Variants in DCC observed in about 807,000 individuals in gnomAD.
DCC encodes the protein netrin receptor DCC.
A neutral mutation model predicts 172.5 loss-of-function variants in DCC; 58 were observed. The observed-to-expected ratio is 0.34, with a 90% confidence interval of 0.27 to 0.42. DCC has a LOEUF of 0.42. Ranked by LOEUF, DCC falls within the 10% of genes least tolerant of loss-of-function variation. The probability of loss-of-function intolerance (pLI) is 1.00; values close to 1 mark genes in which losing one functional copy is unlikely to be tolerated. For synonymous variants in DCC, 709 were observed against 644.5 expected, an observed-to-expected ratio of 1.10 and a Z score of -1.52; for missense variants, 1,740 against 1,791.0, an observed-to-expected ratio of 0.97 and a Z score of 0.51.
At chr18:53,216,679 G>A (rs924187536) in intron 12 of DCC, among the ~76,000 whole-genome samples, 8 of 152,136 alleles carry the variant, frequency 5.3e-5, no homozygotes, top group African/African-American at 1.7e-4. Context: ...GATGTTAATT[G>A]GATTTGTCTC....
chr18:53,222,661 C>T (rs1598920558), intron 12 of DCC, among the ~76,000 whole-genome samples: 1 of 146,606 alleles, frequency 6.8e-6, no homozygotes. Context: ...GCTAAGATTA[C>T]AGGCGTGAAC....
intron 2 of DCC, among the ~76,000 whole-genome samples, chr18:52,867,943 C>T (rs1359874288): frequency 1.3e-5 from 2 of 151,606 alleles, no homozygotes; most frequent in African/African-American, 2.4e-5. Context: ...CTAACCATTA[C>T]ATTATTATGT....
intron 7 of DCC, among the ~76,000 whole-genome samples, chr18:53,128,408 T>C (rs1368094495): frequency 2.0e-5 from 3 of 152,108 alleles, no homozygotes; most frequent in East Asian, 3.9e-4. Context: ...TAATATTTGA[T>C]GGTAATGCTG....
At chr18:52,894,339 C>T (rs889574650) in intron 2 of DCC, among the ~76,000 whole-genome samples, 1 of 151,908 alleles carries the variant, frequency 6.6e-6, no homozygotes, top group Non-Finnish European at 1.5e-5. Flanking sequence ...ATCCCTGGCA[C>T]ATATTAGATG....
intron 5 of DCC, among the ~76,000 whole-genome samples, chr18:52,968,193 C>G (rs761263881): frequency 6.6e-6 from 1 of 152,046 alleles, no homozygotes; most frequent in African/African-American, 2.4e-5. Context: ...TAATGGATCA[C>G]GAGATGGAGT....
At chr18:53,359,413 CTT>C (rs2057919863) in intron 15 of DCC, among the ~76,000 whole-genome samples, 1 of 152,056 alleles carries the variant, frequency 6.6e-6, no homozygotes, top group Admixed American at 6.6e-5. Flanking sequence ...TTAGCCTTCT[CTT>C]CTCATTTTTC....
At chr18:52,876,317 T>G (rs116026583) in intron 2 of DCC, among the ~76,000 whole-genome samples, 2,005 of 152,298 alleles carry the variant, frequency 0.013, 33 homozygotes, top group African/African-American at 0.046. Flanking sequence ...TGATCTACAT[T>G]CCTTTTCTCA....
chr18:53,454,735 G>A (rs563893191), intron 23 of DCC, among the ~76,000 whole-genome samples: 3 of 152,120 alleles, frequency 2.0e-5, no homozygotes, highest in East Asian at 1.9e-4. Context: ...TAGTACTGAC[G>A]ATGAAATGTC....
At position 53,275,764 on chromosome 18, in the gene DCC, G is replaced by A. The variant is rs117905330; in HGVS notation, c.1912-29814G>A. Among the ~76,000 whole-genome samples, 735 of 152,172 alleles carry A rather than the reference G, an allele frequency of 4.8e-3. 3 individuals are homozygous for A. The highest frequency in any genetic ancestry group is 9.0e-3 in the Non-Finnish European group (615 of 67,978). Reference sequence around the variant, plus strand: ...TGGTTTTTTGAGAGCTAATGTGGTAGTCTATACAAAAGGGTCATCGCTGAT... The same window carrying A: ...TGGTTTTTTGAGAGCTAATGTGGTAATCTATACAAAAGGGTCATCGCTGAT... On this transcript the variant is annotated intron_variant, in intron 12 of 28. Coordinates refer to ENST00000442544, the MANE Select transcript of DCC (RefSeq NM_005215.4).
intron 12 of DCC, among the ~76,000 whole-genome samples, chr18:53,261,673 G>A (rs376319247): frequency 6.6e-5 from 10 of 152,120 alleles, no homozygotes; most frequent in African/African-American, 1.7e-4. Context: ...CATCATACCC[G>A]GCTAATTTTT....
chr18:52,791,467 G>GTTTT (rs1228037571), intron 2 of DCC, among the ~76,000 whole-genome samples: 1 of 148,306 alleles, frequency 6.7e-6, no homozygotes, highest in African/African-American at 2.4e-5. Context: ...TGTTTTTTGT[G>GTTTT]TTTTGTTTTT....
intron 13 of DCC, 101 bp from the exon 14 acceptor site, chr18:53,321,946 T>A: frequency 1.3e-6 from 1 of 775,766 alleles, no homozygotes; most frequent in Admixed American, 1.7e-5. Context: ...ATGTAAAGCA[T>A]GTCCACTATT....
At chr18:53,411,792 G>C (rs1599120392) in intron 20 of DCC, among the ~76,000 whole-genome samples, 1 of 152,070 alleles carries the variant, frequency 6.6e-6, no homozygotes, top group Admixed American at 6.6e-5. Context: ...ATAGAAATGA[G>C]TTCATCTTTG....
intron 16 of DCC, among the ~76,000 whole-genome samples, chr18:53,386,347 C>T (rs1488796003): frequency 1.3e-5 from 2 of 151,870 alleles, no homozygotes; most frequent in African/African-American, 2.4e-5. Flanking sequence ...CTTTGGTTGT[C>T]GAAATTAAGT....
chr18:53,169,593 A>C (rs1293861077), intron 8 of DCC, among the ~76,000 whole-genome samples: 2 of 152,158 alleles, frequency 1.3e-5, no homozygotes, highest in Non-Finnish European at 2.9e-5. Context: ...TTTGTCTGAC[A>C]ATCCATCTGG....
chr18:52,834,376 C>G (rs2038666902), intron 2 of DCC, among the ~76,000 whole-genome samples: 1 of 152,122 alleles, frequency 6.6e-6, no homozygotes. Flanking sequence ...TGGGAACTTG[C>G]TAGAAGTTTC....
chr18:53,468,370 T>TA (rs1568151613), intron 25 of DCC, among the ~76,000 whole-genome samples: 126 of 136,102 alleles, frequency 9.3e-4, no homozygotes, highest in African/African-American at 3.3e-3. Flanking sequence ...TTATTTTATT[T>TA]ATTTATTTAT....
intron 7 of DCC, among the ~76,000 whole-genome samples, chr18:53,068,818 T>TGTGTGTGTGTGTGTGTG (rs763488670): frequency 2.6e-5 from 4 of 151,388 alleles, no homozygotes; most frequent in East Asian, 2.0e-4. Context: ...TGTGTGTGTG[T>TGTGTGTGTGTGTGTGTG]TGCTGGGGAC....
chr18:53,000,842 A>C (rs1460277626), intron 5 of DCC, among the ~76,000 whole-genome samples: 1 of 151,818 alleles, frequency 6.6e-6, no homozygotes, highest in East Asian at 1.9e-4. Context: ...ATATAAACTT[A>C]TACTTGAATG....
Sources: gnomAD v4.1 joint callset for allele counts (sites outside exome capture counted in the v4.1 genomes callset) on GRCh38, gnomAD v4.1.1 for gene constraint, MANE v1.5 for transcripts, NCBI Gene and HGNC (gene_info 2026-07-23, HGNC 2026-07-21) for gene names.